CTSB: variants seen among roughly 807,000 people sequenced by gnomAD.
The protein encoded by CTSB is APP secretase.
CTSB carries 57 observed loss-of-function variants against 44.3 expected under a neutral mutation model. The ratio of observed to expected loss-of-function variants is 1.29; its 90% CI spans 1.04 to 1.60. The LOEUF (loss-of-function observed/expected upper bound fraction) is 1.60. CTSB is among the 40% of genes most tolerant of loss of function. The probability of loss-of-function intolerance (pLI) is 0.00; values close to 1 mark genes in which losing one functional copy is unlikely to be tolerated. For synonymous variants in CTSB, 320 were observed against 168.0 expected (o/e 1.91, Z -7.00); for missense variants, 768 against 443.0 (o/e 1.73, Z -6.59).
At chr8:11,863,133 T>C (rs891667055) in intron 1 of CTSB, among the ~76,000 whole-genome samples, 10 of 152,156 alleles carry the variant, frequency 6.6e-5, no homozygotes, top group African/African-American at 1.9e-4. Flanking sequence ...GGCAGGATAG[T>C]GACCTCGTCT....
chr8:11,843,001 T>A lies in CTSB; in HGVS notation c.*2124A>T, dbSNP rs1586051265. ...CCTTGCGCTGTCACCGAGGCTGGAG[T>A]GCACTGGCACTGTCTTGGCTCACTG... On this transcript the variant is annotated 3_prime_UTR_variant, in exon 10 of 10. Transcript: ENST00000353047. 2 of 138,534 alleles carry A rather than the reference T, an allele frequency of 1.4e-5. No homozygotes were observed. The highest frequency in any genetic ancestry group is 1.6e-4 in the Admixed American group (2 of 12,492). 8.6% of individuals were successfully genotyped at this position (138,534 alleles called of 1,614,324 possible).
intron 2 of CTSB, 60 bp downstream of exon 2, chr8:11,853,269 G>T: frequency 6.3e-7 from 1 of 1,590,288 alleles, no homozygotes; most frequent in Non-Finnish European, 8.6e-7. Context: ...CATTCCTGGA[G>T]TCAGTGTGCA....
At chr8:11,864,007 A>G (rs111488196) in intron 1 of CTSB, among the ~76,000 whole-genome samples, 170 of 152,324 alleles carry the variant, frequency 1.1e-3, no homozygotes, top group East Asian at 6.0e-3. Context: ...ACGAAATAAC[A>G]TAACTGTCCC....
chr8:11,862,735 G>A (rs1159914791), intron 1 of CTSB, among the ~76,000 whole-genome samples: 4 of 152,254 alleles, frequency 2.6e-5, no homozygotes, highest in African/African-American at 9.6e-5. Context: ...GTGTGACTGT[G>A]TGTGTGCACA....
At chr8:11,848,974 C>A in intron 5 of CTSB, 72 bp downstream of exon 5, 1 of 1,129,312 alleles carries the variant, frequency 8.9e-7, no homozygotes, top group African/African-American at 1.5e-5. Flanking sequence ...TCCTCAAAGT[C>A]CCCTCCACTG....
At chr8:11,859,882 G>A (rs956345515) in intron 1 of CTSB, among the ~76,000 whole-genome samples, 5 of 151,486 alleles carry the variant, frequency 3.3e-5, no homozygotes, top group Non-Finnish European at 4.4e-5. Context: ...AGACCAGCCT[G>A]GCCAACATGG....
chr8:11,855,718 C>T (rs1815392171), intron 1 of CTSB, among the ~76,000 whole-genome samples: 2 of 151,984 alleles, frequency 1.3e-5, no homozygotes, highest in South Asian at 2.1e-4. Flanking sequence ...AAATGGCCAA[C>T]ACAGATAAAA....
At chr8:11,848,467 C>A (rs1303233394) in intron 5 of CTSB, 12 of 455,980 alleles carry the variant, frequency 2.6e-5, no homozygotes, top group Non-Finnish European at 5.0e-5. Flanking sequence ...ACTGAGCAGA[C>A]GCTAAACTTC....
intron 5 of CTSB, chr8:11,848,828 T>C (rs2131017791): frequency 2.1e-6 from 1 of 476,814 alleles, no homozygotes; most frequent in Middle Eastern, 6.0e-4. Flanking sequence ...TTTGCTGGGA[T>C]GCCACCCCTC....
At chr8:11,845,580 G>C (rs998676345) in intron 9 of CTSB, 81 bp downstream of exon 9, 2 of 1,527,188 alleles carry the variant, frequency 1.3e-6, no homozygotes, top group Non-Finnish European at 1.8e-6. Flanking sequence ...CTGTGCGGTG[G>C]GTAGAACAGA....
Position 11,850,938 on chromosome 8 carries a change from A to G in CTSB, c.255T>C (p.Asp85=). Residue 85 remains aspartate, a synonymous_variant, in exon 4 of 10, where the codon GAT becomes GAC. Coordinates refer to ENST00000353047, the MANE Select transcript of CTSB (RefSeq NM_001908.5). The part of the protein sequence containing the change: ...TEDLKLPASF[D]AREQWPQCPT... ...GACACTGTGGCCATTGTTCCCGTGCATCGAAGCTTGCAGGCAGCTTCAGGT... is the reference window on the plus strand; with the variant it reads ...GACACTGTGGCCATTGTTCCCGTGCGTCGAAGCTTGCAGGCAGCTTCAGGT... 1.2e-6 allele frequency: 2 copies of G among 1,613,490 alleles called. No homozygotes were observed. The highest frequency in any genetic ancestry group is 1.3e-5 in the African/African-American group (1 of 75,026).
Position 11,853,313 on chromosome 8 carries a change from C to T in CTSB, c.126+16G>A. The stretch of plus-strand genomic sequence containing the variant: ...CCTGGGAGGGGACATACATAGGACG[C>T]AGCCCCACAGCCTACCTGCCACGTG... On this transcript the variant is annotated intron_variant, in intron 2 of 9. Coordinates refer to ENST00000353047, the MANE Select transcript of CTSB (RefSeq NM_001908.5). 1 of 1,612,670 alleles carries T rather than the reference C, an allele frequency of 6.2e-7. No homozygotes were observed. Among genetic ancestry groups the T allele is most frequent in the Non-Finnish European group, 8.5e-7 (1 of 1,179,412 alleles).
rs558242522 is a variant in CTSB at position 11,853,467 on chromosome 8, A to G, written c.-13T>C. Reference sequence around the variant, plus strand: ...AGAGCTGCCACATGTTGGAAGCCGGATCCTAGATCCACCTGGAGAGGACAG... The same window carrying G: ...AGAGCTGCCACATGTTGGAAGCCGGGTCCTAGATCCACCTGGAGAGGACAG... On this transcript the variant is annotated 5_prime_UTR_variant, in exon 2 of 10. Coordinates refer to ENST00000353047, the MANE Select transcript of CTSB (RefSeq NM_001908.5). The G allele has an allele frequency of 5.6e-6, 9 of 1,610,134 alleles. No individual in the cohort carries two copies. In the African/African-American group the frequency reaches 6.7e-5, roughly 12 times the overall value.
At chr8:11,858,567 G>A (rs1233552035) in intron 1 of CTSB, among the ~76,000 whole-genome samples, 1 of 152,174 alleles carries the variant, frequency 6.6e-6, no homozygotes, top group African/African-American at 2.4e-5. Flanking sequence ...CGGGATTATA[G>A]GTGTGAGCCA....
intron 8 of CTSB, among the ~76,000 whole-genome samples, chr8:11,845,999 A>C (rs1435232959): frequency 6.6e-6 from 1 of 152,222 alleles, no homozygotes; most frequent in East Asian, 1.9e-4. Flanking sequence ...TTGTTGAGTA[A>C]ATATTGAAAT....
Position 11,850,190 on chromosome 8 carries a change from G to A in CTSB, c.327+676C>T, listed in dbSNP as rs1394559238. 5 of 152,328 alleles carry A rather than the reference G, an allele frequency of 3.3e-5. No homozygotes were observed. The East Asian group carries it at 9.7e-4, about 29-fold the overall frequency. 9.4% of individuals were successfully genotyped at this position (152,328 alleles called of 1,614,324 possible). A position where few individuals can be genotyped will look rare whatever the true frequency, so the allele number is the denominator to read the frequency against. On this transcript the variant is annotated intron_variant, in intron 4 of 9. Transcript: ENST00000353047. ...AATCCCAGCATTTTGCGAGGCCGAGGAAGGCAGATCAACAGGTGAGGCGTT... is the reference window on the plus strand; with the variant it reads ...AATCCCAGCATTTTGCGAGGCCGAGAAAGGCAGATCAACAGGTGAGGCGTT...
At chr8:11,850,419 C>CAA (rs61067792) in intron 4 of CTSB, among the ~76,000 whole-genome samples, 1,035 of 53,352 alleles carry the variant, frequency 0.019, 26 homozygotes, top group African/African-American at 0.061. Flanking sequence ...ACTCCATCTC[C>CAA]AAAAAAAAAA....
In CTSB at chr8:11,842,936, C is replaced by CTTTTTTTTT. The variant is rs56927740; in HGVS notation, c.*2180_*2188dup. On this transcript the variant is annotated 3_prime_UTR_variant, in exon 10 of 10. Transcript: ENST00000353047. ...ACAGGCTTGAGCCACTGCGCCCGGC[C>CTTTTTTTTT]TTTTTTTTTTTTTTTTTTTTTTTAA... 1.1e-5 allele frequency: 1 copy of CTTTTTTTTT among 90,836 alleles called. No individual in the cohort carries two copies. Among genetic ancestry groups the CTTTTTTTTT allele is most frequent in the African/African-American group, 4.5e-5 (1 of 22,316 alleles). 5.6% of individuals were successfully genotyped at this position (90,836 alleles called of 1,614,324 possible).
Position 11,852,714 on chromosome 8 carries a change from C to A in CTSB, c.127-19G>T, listed in dbSNP as rs954543305. The A allele has an allele frequency of 6.2e-7, 1 of 1,611,174 alleles. No homozygotes were observed. Among genetic ancestry groups the A allele is most frequent in the South Asian group, 1.1e-5 (1 of 91,008 alleles). ...GCCCGGCCTGGAAGAGAGTCACCCA[C>A]TGACTGAAGGGTCTCCCGGGATGGC... On this transcript the variant is annotated intron_variant, in intron 2 of 9. Transcript: ENST00000353047.
Sources: gnomAD v4.1 joint callset for allele counts (sites outside exome capture counted in the v4.1 genomes callset) on GRCh38, gnomAD v4.1.1 for gene constraint, MANE v1.5 for transcripts, NCBI Gene and HGNC (gene_info 2026-07-23, HGNC 2026-07-21) for gene names.